The following ENAH variants were observed in gnomAD, a reference collection of about 807,000 sequenced individuals.
ENAH encodes ENAH actin regulator.
ENAH carries 23 observed loss-of-function variants against 78.7 expected under a neutral mutation model. The observed-to-expected ratio is 0.29, with a 90% CI of 0.21 to 0.41. The LOEUF is 0.41. Ranked by LOEUF, ENAH falls within the 10% of genes least tolerant of loss-of-function variation. The probability of loss-of-function intolerance (pLI) is 1.00; values close to 1 mark genes in which losing one functional copy is unlikely to be tolerated. For missense variants in ENAH, 544 were observed against 691.0 expected, an observed-to-expected ratio of 0.79 and a Z score of 2.39; for synonymous variants, 226 against 241.0, an observed-to-expected ratio of 0.94 and a Z score of 0.58.
intron 6 of ENAH, chr1:225,515,541 G>C (rs1187976468): frequency 6.6e-6 from 1 of 152,198 alleles, no homozygotes; most frequent in East Asian, 1.9e-4. Flanking sequence ...AATACCATAG[G>C]ATTTGAAGTA....
rs2151010408 is a variant in ENAH at position 225,495,387 on chromosome 1, C to T, written c.*2388G>A. The T allele has an allele frequency of 6.7e-6, 1 of 149,686 alleles. No individual in the cohort carries two copies. The highest frequency in any genetic ancestry group is 2.0e-4 in the East Asian group (1 of 5,014). The allele number at this position is 149,686 out of a possible 1,614,324, so 9.3% of individuals were successfully genotyped here. A position where few individuals can be genotyped will look rare whatever the true frequency, so the allele number is the denominator to read the frequency against. ...ATGATAGCAAATGTATATAATAATT[C>T]ATTCAGACTTCTTGGAAAGAACATT... On this transcript the variant is annotated 3_prime_UTR_variant, in exon 14 of 14. Coordinates refer to ENST00000366843, the MANE Select transcript of ENAH (RefSeq NM_018212.6).
intron 1 of ENAH, among the ~76,000 whole-genome samples, chr1:225,630,136 T>C (rs956045005): frequency 6.6e-6 from 1 of 152,016 alleles, no homozygotes; most frequent in Non-Finnish European, 1.5e-5. Flanking sequence ...AGAAAAAAAA[T>C]GTCTAGAAGA....
chr1:225,488,957 T>C lies in ENAH; in HGVS notation c.*8818A>G, dbSNP rs1452036320. On this transcript the variant is annotated 3_prime_UTR_variant, in exon 14 of 14. Transcript: ENST00000366843. ...AACTCGGAAGGAATGACTACATGGA[T>C]ATAGATGGATAAGATGGAAGATATA... The C allele has an allele frequency of 1.3e-5, 2 of 152,174 alleles. No homozygotes were observed. The highest frequency in any genetic ancestry group is 4.8e-5 in the African/African-American group (2 of 41,436). 9.4% of individuals were successfully genotyped at this position (152,174 alleles called of 1,614,324 possible).
intron 4 of ENAH, among the ~76,000 whole-genome samples, chr1:225,521,466 C>A (rs2096467436): frequency 6.6e-6 from 1 of 151,656 alleles, no homozygotes; most frequent in Non-Finnish European, 1.5e-5. Context: ...CATGGTGGAA[C>A]CCTGTCTCTA....
chr1:225,644,931 T>A (rs1007447181), intron 1 of ENAH, among the ~76,000 whole-genome samples: 1 of 152,196 alleles, frequency 6.6e-6, no homozygotes, highest in African/African-American at 2.4e-5. Flanking sequence ...TCTGATGGAT[T>A]TGCTTCATCA....
intron 3 of ENAH, among the ~76,000 whole-genome samples, chr1:225,530,886 T>C (rs2096534344): frequency 6.6e-6 from 1 of 152,096 alleles, no homozygotes; most frequent in South Asian, 2.1e-4. Flanking sequence ...AAAAGAAACA[T>C]TTATATATGA....
intron 1 of ENAH, among the ~76,000 whole-genome samples, chr1:225,589,650 C>G (rs975909929): frequency 1.4e-4 from 21 of 152,190 alleles, no homozygotes; most frequent in African/African-American, 5.1e-4. Context: ...ATTATTGTTG[C>G]ATTGTTTTTT....
intron 1 of ENAH, among the ~76,000 whole-genome samples, chr1:225,613,054 G>A (rs2097000252): frequency 6.6e-6 from 1 of 152,204 alleles, no homozygotes; most frequent in Non-Finnish European, 1.5e-5. Flanking sequence ...GACTCAGTAT[G>A]TGTCCTATGG....
At chr1:225,586,790 A>G (rs116267222) in intron 1 of ENAH, among the ~76,000 whole-genome samples, 6,851 of 152,208 alleles carry the variant, frequency 0.045, 237 homozygotes, top group South Asian at 0.12. Context: ...GTGAGAAGCC[A>G]AGGCAGGCGA....
chr1:225,537,906 T>C (rs1415471572), intron 3 of ENAH, among the ~76,000 whole-genome samples: 1 of 152,188 alleles, frequency 6.6e-6, no homozygotes, highest in East Asian at 1.9e-4. Context: ...TTGATTGGCA[T>C]GACTGTATTT....
Position 225,570,115 on chromosome 1 carries a change from A to G in ENAH, c.6-2701T>C, listed in dbSNP as rs2096753464. ...CAGCTACTTGGGAAGCTGAAGCAGG[A>G]GAATCATACTCACACCATGGACTCC... On this transcript the variant is annotated intron_variant, in intron 1 of 13. Coordinates refer to ENST00000366843, the MANE Select transcript of ENAH (RefSeq NM_018212.6). 2.0e-5 allele frequency among the ~76,000 whole-genome samples: 3 copies of G among 151,162 alleles called. No individual in the cohort carries two copies. In the South Asian group the frequency reaches 6.3e-4, roughly 32 times the overall value.
chr1:225,518,349 A>G lies in ENAH; in HGVS notation c.802+849T>C, dbSNP rs12064237. ...CATGAATAGGACCATAAACAGAAGA[A>G]TAAATTTAGTTGTTTTTTTAAAAAC... On this transcript the variant is annotated intron_variant, in intron 5 of 13. Coordinates refer to ENST00000366843, the MANE Select transcript of ENAH (RefSeq NM_018212.6). 1.5e-3 allele frequency among the ~76,000 whole-genome samples: 229 copies of G among 152,332 alleles called. 1 individual carries two copies. The highest frequency in any genetic ancestry group is 5.1e-3 in the African/African-American group (211 of 41,584).
At chr1:225,612,517 G>C (rs1352358426) in intron 1 of ENAH, among the ~76,000 whole-genome samples, 1 of 152,162 alleles carries the variant, frequency 6.6e-6, no homozygotes, top group Non-Finnish European at 1.5e-5. Context: ...GGCAATGGTT[G>C]CACAACACTG....
intron 4 of ENAH, among the ~76,000 whole-genome samples, chr1:225,526,348 TTTTTC>T (rs1441837457): frequency 6.6e-4 from 100 of 151,962 alleles, no homozygotes; most frequent in African/African-American, 2.2e-3. Context: ...CTTTTTTTTT[TTTTTC>T]TTTTGAGACA....
intron 3 of ENAH, 134 bp downstream of exon 3, chr1:225,554,772 A>C (rs1010284609): frequency 3.0e-5 from 21 of 690,386 alleles, no homozygotes; most frequent in Non-Finnish European, 4.3e-5. Flanking sequence ...TCAAATATAT[A>C]CAAGATCTAA....
rs372421388 is a variant in ENAH at position 225,599,780 on chromosome 1, G to A, written c.6-32366C>T. ...CACTGCACTCCAGCCTGGGCGACAG[G>A]GCCGAGACTCCGTCTTAAAAAAAAA... On this transcript the variant is annotated intron_variant, in intron 1 of 13. Transcript: ENST00000366843. 2.4e-3 allele frequency among the ~76,000 whole-genome samples: 342 copies of A among 143,956 alleles called. 3 individuals are homozygous for A. The highest frequency in any genetic ancestry group is 8.7e-3 in the African/African-American group (335 of 38,434). 94.4% of individuals were successfully genotyped at this position (143,956 alleles called of 152,430 possible).
intron 1 of ENAH, among the ~76,000 whole-genome samples, chr1:225,582,054 T>G (rs2096821166): frequency 6.6e-6 from 1 of 152,202 alleles, no homozygotes; most frequent in Non-Finnish European, 1.5e-5. Context: ...TGGGGCCTGG[T>G]GCAAGGTGAC....
chr1:225,644,921 T>C (rs1033835816), intron 1 of ENAH, among the ~76,000 whole-genome samples: 7 of 152,332 alleles, frequency 4.6e-5, no homozygotes, highest in Admixed American at 6.5e-5. Flanking sequence ...TTCTGAAGAT[T>C]CTGATGGATT....
intron 1 of ENAH, among the ~76,000 whole-genome samples, chr1:225,591,745 A>G (rs1279837370): frequency 2.1e-5 from 3 of 142,712 alleles, no homozygotes; most frequent in Non-Finnish European, 3.0e-5. Flanking sequence ...AGCCTGGGCG[A>G]CAGAGACAGA....
Sources: gnomAD v4.1 joint callset for allele counts (sites outside exome capture counted in the v4.1 genomes callset) on GRCh38, gnomAD v4.1.1 for gene constraint, MANE v1.5 for transcripts, NCBI Gene and HGNC (gene_info 2026-07-23, HGNC 2026-07-21) for gene names.